The following SMCHD1 variants were observed in gnomAD, a reference collection of about 807,000 sequenced individuals.
The protein encoded by SMCHD1 is structural maintenance of chromosomes flexible hinge domain-containing protein 1.
In SMCHD1, 78 loss-of-function variants were observed where a neutral mutation model predicts 254.7. The ratio of observed to expected loss-of-function variants is 0.31; its 90% CI spans 0.26 to 0.37. The LOEUF is 0.37. Among genes scored for constraint, SMCHD1 ranks in the 10% least tolerant of loss-of-function variants. SMCHD1 has a pLI of 1.00. For missense variants in SMCHD1, 1,840 were observed against 2,408.1 expected (o/e 0.76, Z 4.94); for synonymous variants, 766 against 794.9 (o/e 0.96, Z 0.61).
intron 39 of SMCHD1, among the ~76,000 whole-genome samples, chr18:2,771,083 T>C (rs1054586676): frequency 5.3e-5 from 8 of 152,238 alleles, no homozygotes; most frequent in African/African-American, 1.9e-4. Context: ...TATTTACCGC[T>C]TGCCTCAAAG....
chr18:2,730,372 G>A (rs184827630), intron 24 of SMCHD1, among the ~76,000 whole-genome samples: 54 of 152,126 alleles, frequency 3.5e-4, no homozygotes, highest in African/African-American at 9.4e-4. Context: ...GGGTTTCACC[G>A]TGTTAGCCAG....
At chr18:2,690,219 A>G (rs925494959) in intron 7 of SMCHD1, among the ~76,000 whole-genome samples, 1 of 152,202 alleles carries the variant, frequency 6.6e-6, no homozygotes, top group Non-Finnish European at 1.5e-5. Flanking sequence ...TTGATCCCAC[A>G]TTTAAAAAAT....
intron 1 of SMCHD1, among the ~76,000 whole-genome samples, chr18:2,663,661 C>A (rs1252668643): frequency 1.3e-5 from 2 of 152,064 alleles, no homozygotes; most frequent in African/African-American, 4.8e-5. Flanking sequence ...GGCTCTGCAT[C>A]CATATATATG....
rs139548776 is a variant in SMCHD1 at position 2,766,802 on chromosome 18, C to G, written c.4720-2892C>G. ...TGTTTGTTTCTCATATGCCAAATTT[C>G]CGTTTATACTTGGATCCAGTTTGGG... On this transcript the variant is annotated intron_variant, in intron 37 of 47. Transcript: ENST00000320876. 9.1e-4 allele frequency among the ~76,000 whole-genome samples: 139 copies of G among 152,248 alleles called. No individual in the cohort carries two copies. The East Asian group carries it at 0.012, about 14-fold the overall frequency.
intron 45 of SMCHD1, among the ~76,000 whole-genome samples, chr18:2,785,451 A>G (rs2076223540): frequency 6.6e-6 from 1 of 152,078 alleles, no homozygotes; most frequent in South Asian, 2.1e-4. Context: ...GATCGAGCCC[A>G]TCTTGGCTAA....
At chr18:2,765,666 C>T (rs2075853835) in intron 37 of SMCHD1, among the ~76,000 whole-genome samples, 2 of 152,140 alleles carry the variant, frequency 1.3e-5, no homozygotes, top group Admixed American at 1.3e-4. Context: ...GTATGTGCAC[C>T]CTGAACAGTG....
intron 36 of SMCHD1, 113 bp from the exon 37 acceptor site, chr18:2,763,524 C>A: frequency 1.2e-6 from 1 of 844,692 alleles, no homozygotes; most frequent in Non-Finnish European, 1.7e-6. Context: ...TAAGAAAGAT[C>A]CAGATAATTT....
At chr18:2,708,356 T>C in intron 17 of SMCHD1, among the ~76,000 whole-genome samples, 1 of 152,096 alleles carries the variant, frequency 6.6e-6, no homozygotes, top group East Asian at 1.9e-4. Context: ...GAGCCTTGCC[T>C]TTTCTGCCTT....
intron 34 of SMCHD1, among the ~76,000 whole-genome samples, chr18:2,758,748 T>A (rs9635849): frequency 0.19 from 29,293 of 152,126 alleles, 3,092 homozygotes; most frequent in South Asian, 0.27. Flanking sequence ...ATTATTGTTT[T>A]AAAAAAATGT....
chr18:2,738,598 A>C (rs945598150), intron 26 of SMCHD1, 53 bp downstream of exon 26: 2 of 1,432,694 alleles, frequency 1.4e-6, no homozygotes, highest in Non-Finnish European at 1.9e-6. Context: ...ACTGTCCTCC[A>C]TTGCACATAT....
chr18:2,706,540 A>G lies in SMCHD1; in HGVS notation c.2063+70A>G, dbSNP rs995655298. 1.1e-5 allele frequency: 12 copies of G among 1,073,650 alleles called. No homozygotes were observed. The African/African-American group carries it at 1.4e-4, about 13-fold the overall frequency. The allele number at this position is 1,073,650 out of a possible 1,614,324, so 66.5% of individuals were successfully genotyped here. The stretch of plus-strand genomic sequence containing the variant: ...AAAGAATTGTGCTGTAAGTATTCTG[A>G]GTATGTCATTTACTCTGCTGTTAGG... On this transcript the variant is annotated intron_variant, in intron 15 of 47. Coordinates refer to ENST00000320876, the MANE Select transcript of SMCHD1 (RefSeq NM_015295.3).
intron 5 of SMCHD1, among the ~76,000 whole-genome samples, chr18:2,687,382 G>C (rs2074075659): frequency 6.6e-6 from 1 of 152,054 alleles, no homozygotes; most frequent in Non-Finnish European, 1.5e-5. Context: ...GACAATTTTA[G>C]GTTAACAGAT....
chr18:2,692,174 A>C (rs146241173), intron 7 of SMCHD1, among the ~76,000 whole-genome samples: 98 of 152,342 alleles, frequency 6.4e-4, no homozygotes, highest in African/African-American at 2.3e-3. Context: ...CCAACTGATC[A>C]TATCCAGTAC....
Position 2,655,962 on chromosome 18 carries a change from G to GCCGAGGCCTCGAGCCGCC in SMCHD1, c.-110_-93dup, listed in dbSNP as rs2073040225. 2.4e-6 allele frequency: 2 copies of GCCGAGGCCTCGAGCCGCC among 819,668 alleles called. No homozygotes were observed. Among genetic ancestry groups the GCCGAGGCCTCGAGCCGCC allele is most frequent in the Non-Finnish European group, 3.3e-6 (2 of 612,372 alleles). The allele number at this position is 819,668 out of a possible 1,614,324, so 50.8% of individuals were successfully genotyped here. A position where few individuals can be genotyped will look rare whatever the true frequency, so the allele number is the denominator to read the frequency against. On this transcript the variant is annotated 5_prime_UTR_variant, in exon 1 of 48. Transcript: ENST00000320876. Reference sequence around the variant, plus strand: ...CTGACGAGGAGCTGCAGCGCGCCGGGCCGAGGCCTCGAGCCGCCCCGGGAG... The same window carrying GCCGAGGCCTCGAGCCGCC: ...CTGACGAGGAGCTGCAGCGCGCCGGGCCGAGGCCTCGAGCCGCCCCGAGGCCTCGAGCCGCCCCGGGAG...
intron 45 of SMCHD1, among the ~76,000 whole-genome samples, chr18:2,789,699 C>T (rs867606007): frequency 3.9e-5 from 6 of 152,170 alleles, no homozygotes; most frequent in Non-Finnish European, 7.3e-5. Flanking sequence ...GAAGCGCACT[C>T]TCAACTTTTA....
intron 29 of SMCHD1, among the ~76,000 whole-genome samples, 182 bp from the exon 30 acceptor site, chr18:2,747,340 A>G (rs1350130803): frequency 1.3e-5 from 2 of 152,164 alleles, no homozygotes; most frequent in South Asian, 2.1e-4. Flanking sequence ...CAGATCATTT[A>G]TCATTTTGAT....
chr18:2,803,190 G>GTC lies in SMCHD1; in HGVS notation c.*639_*640insCT, dbSNP rs2076393289. 2 of 111,930 alleles carry GTC rather than the reference G, an allele frequency of 1.8e-5. No homozygotes were observed. The highest frequency in any genetic ancestry group is 5.8e-5 in the African/African-American group (2 of 34,404). 6.9% of individuals were successfully genotyped at this position (111,930 alleles called of 1,614,324 possible). Reference sequence around the variant, plus strand: ...TTCAAAAGACTTATCCTGTGTGTGTGTGTGTGTGTATATATATATATATAT... The same window carrying GTC: ...TTCAAAAGACTTATCCTGTGTGTGTGTCTGTGTGTGTATATATATATATATAT... On this transcript the variant is annotated 3_prime_UTR_variant, in exon 48 of 48. Coordinates refer to ENST00000320876, the MANE Select transcript of SMCHD1 (RefSeq NM_015295.3).
chr18:2,700,157 T>C (rs2143177193), intron 10 of SMCHD1, among the ~76,000 whole-genome samples: 1 of 152,372 alleles, frequency 6.6e-6, no homozygotes, highest in South Asian at 2.1e-4. Flanking sequence ...CAGATGACTT[T>C]CATGTGAACA....
At position 2,688,621 on chromosome 18, in the gene SMCHD1, T is replaced by A; in HGVS notation, c.754-7T>A. 2 of 1,561,870 alleles carry A rather than the reference T, an allele frequency of 1.3e-6. No individual in the cohort carries two copies. The highest frequency in any genetic ancestry group is 1.7e-6 in the Non-Finnish European group (2 of 1,154,006). On this transcript the variant is annotated splice_region_variant and splice_polypyrimidine_tract_variant and intron_variant, in intron 6 of 47. Transcript: ENST00000320876. ...ATTTAAAAAGTACTCTTTTTAATAT[T>A]TAACAGATGATAAGCAAACCTGCAG...
Sources: allele counts gnomAD v4.1 joint callset (sites outside exome capture counted in the v4.1 genomes callset), GRCh38; gene constraint gnomAD v4.1.1; transcripts MANE v1.5; gene names NCBI Gene and HGNC (gene_info 2026-07-23, HGNC 2026-07-21).